The following ITGA10 variants were observed in gnomAD, a reference collection of about 807,000 sequenced individuals.
ITGA10 encodes the protein integrin alpha-10.
A neutral mutation model predicts 145.2 loss-of-function variants in ITGA10; 105 were observed. The ratio of observed to expected loss-of-function variants is 0.72; its 90% CI spans 0.62 to 0.85. The LOEUF is 0.85. ITGA10 is among the 40% of genes least tolerant of loss of function. The pLI, the probability that ITGA10 is intolerant of heterozygous loss-of-function variation, is 0.00. For missense variants in ITGA10, 1,317 were observed against 1,444.5 expected, an observed-to-expected ratio of 0.91 and a Z score of 1.43; for synonymous variants, 506 against 557.8, an observed-to-expected ratio of 0.91 and a Z score of 1.31.
chr1:145,896,702 G>A lies in ITGA10; in HGVS notation c.2834+67C>T, dbSNP rs1655455397. 3.1e-6 allele frequency: 4 copies of A among 1,304,868 alleles called. No individual in the cohort carries two copies. In the African/African-American group the frequency reaches 5.8e-5, roughly 19 times the overall value. The allele number at this position is 1,304,868 out of a possible 1,614,324, so 80.8% of individuals were successfully genotyped here. On this transcript the variant is annotated intron_variant, in intron 23 of 29. Coordinates refer to ENST00000369304, the MANE Select transcript of ITGA10 (RefSeq NM_003637.5). ...GGAAAAACTGAGGCACATGGAAGGGGAGGGAAGCAGCATAAGGGTATGAGT... is the reference window on the plus strand; with the variant it reads ...GGAAAAACTGAGGCACATGGAAGGGAAGGGAAGCAGCATAAGGGTATGAGT...
rs782239941 is a variant in ITGA10 at position 145,902,978 on chromosome 1, G to A, written c.759-17C>T. The A allele has an allele frequency of 1.3e-6, 2 of 1,575,106 alleles. No individual in the cohort carries two copies. Among genetic ancestry groups the A allele is most frequent in the Non-Finnish European group, 1.7e-6 (2 of 1,162,814 alleles). ...CCTTCTGTGCTGAGAAGAGAAAGGA[G>A]TGAGGTGAGATCAGATGTATGCAGA... On this transcript the variant is annotated splice_polypyrimidine_tract_variant and intron_variant, in intron 7 of 29. Coordinates refer to ENST00000369304, the MANE Select transcript of ITGA10 (RefSeq NM_003637.5).
chr1:145,901,628 C>T lies in ITGA10; in HGVS notation c.1331G>A (p.Arg444His), dbSNP rs781994799. The change falls in exon 12 of 30, where the codon CGC becomes CAC. Residue 444 changes from arginine to histidine, a missense_variant. Physicochemically the swap from Arg to His is conservative, Grantham distance 29. Transcript: ENST00000369304. The surrounding 1 kb of genome is among the most constrained non-coding windows in gnomAD (Gnocchi z 4.3). ...AGGAGCCCCAGAGAGAAACAGGCGG[C>T]GTCCACCCCGCAAAAGCATGGAAGA... ...SVSSMLLRGG[R>H]RLFLSGAPRF... The T allele has an allele frequency of 6.3e-6, 10 of 1,588,834 alleles. No individual in the cohort carries two copies. The highest frequency in any genetic ancestry group is 5.7e-5 in the South Asian group (5 of 87,238).
intron 14 of ITGA10, 39 bp downstream of exon 14, chr1:145,900,751 C>T (rs587631018): frequency 1.2e-5 from 19 of 1,600,836 alleles, no homozygotes; most frequent in Admixed American, 5.0e-5. Flanking sequence ...TATTCCTCTT[C>T]CTACAACCGT....
At chr1:145,899,382 A>G in intron 15 of ITGA10, 41 bp from the exon 16 acceptor site, 1 of 1,597,562 alleles carries the variant, frequency 6.3e-7, no homozygotes, top group South Asian at 1.1e-5. Flanking sequence ...AGTAGGAGGT[A>G]AGCCCTCTGA....
Position 145,902,270 on chromosome 1 carries a change from A to G in ITGA10, c.1125T>C (p.Ile375=). 1 of 1,614,164 alleles carries G rather than the reference A, an allele frequency of 6.2e-7. No homozygotes were observed. The highest frequency in any genetic ancestry group is 8.5e-7 in the Non-Finnish European group (1 of 1,180,030). The change falls in exon 10 of 30, where the codon ATT becomes ATC. Residue 375 remains isoleucine, a synonymous_variant. Transcript: ENST00000369304. ...ESSFGLEMSQ[I]GFSTHRLKDG... is the part of the protein sequence containing the mutation. ...CCTTTAGCCGATGAGTGGAGAAACC[A>G]ATCTGAGACATTTCCAGCCCAAAGG... is the stretch of plus-strand genomic sequence containing the variant.
Position 145,904,170 on chromosome 1 carries a change from C to G in ITGA10, c.640G>C (p.Val214Leu). The change falls in exon 7 of 30, where the codon GTA becomes CTA. Residue 214 changes from valine (V) to leucine (L), a missense_variant. Coordinates refer to ENST00000369304, the MANE Select transcript of ITGA10 (RefSeq NM_003637.5). The part of the protein sequence containing the change: ...VGLVQYGESP[V>L]HEWSLGDFRT... Reference sequence around the variant, plus strand: ...AAATCTCCCAGGGACCACTCATGTACAGGGCTCTCCCCATACTGTACCAGT... The same window carrying G: ...AAATCTCCCAGGGACCACTCATGTAGAGGGCTCTCCCCATACTGTACCAGT... 1 of 1,614,192 alleles carries G rather than the reference C, an allele frequency of 6.2e-7. No homozygotes were observed. The highest frequency in any genetic ancestry group is 1.7e-5 in the Admixed American group (1 of 60,030).
At chr1:145,909,294 T>C (rs1657531856) in intron 1 of ITGA10, among the ~76,000 whole-genome samples, 2 of 150,824 alleles carry the variant, frequency 1.3e-5, no homozygotes, top group South Asian at 4.2e-4. Context: ...AGTGAGACCC[T>C]GTTTCAAAAA....
chr1:145,893,650 G>C lies in ITGA10; in HGVS notation c.3229-15C>G. The C allele has an allele frequency of 6.3e-7, 1 of 1,589,934 alleles. No individual in the cohort carries two copies. Among genetic ancestry groups the C allele is most frequent in the African/African-American group, 1.3e-5 (1 of 74,450 alleles). On this transcript the variant is annotated splice_polypyrimidine_tract_variant and intron_variant, in intron 27 of 29. Coordinates refer to ENST00000369304, the MANE Select transcript of ITGA10 (RefSeq NM_003637.5). Reference sequence around the variant, plus strand: ...TTGAACTTGGCCTATGGAACAAGTGGATAGGAAGACATTTAAAATGAGCCA... The same window carrying C: ...TTGAACTTGGCCTATGGAACAAGTGCATAGGAAGACATTTAAAATGAGCCA...
chr1:145,897,866 T>C lies in ITGA10; in HGVS notation c.2381A>G (p.Glu794Gly). 1 of 1,614,138 alleles carries C rather than the reference T, an allele frequency of 6.2e-7. No individual in the cohort carries two copies. Among genetic ancestry groups the C allele is most frequent in the East Asian group, 2.2e-5 (1 of 44,882 alleles). The change falls in exon 19 of 30, where the codon GAA becomes GGA. Residue 794 changes from glutamate (E) to glycine (G), a missense_variant. Transcript: ENST00000369304. ...TTGAAGCACCAGGTCTGTGACACAT[T>C]CATTGTCAGGGCCACAATCCTTTGA... is the stretch of plus-strand genomic sequence containing the variant. The part of the protein sequence containing the change: ...PFSKDCGPDN[E>G]CVTDLVLQVN...
At chr1:145,893,365 T>C in intron 28 of ITGA10, 91 bp from the exon 29 acceptor site, 2 of 1,033,830 alleles carry the variant, frequency 1.9e-6, no homozygotes, top group Non-Finnish European at 3.0e-6. Context: ...CCAAATAGAA[T>C]AAATAACCTC....
chr1:145,901,158 C>G lies in ITGA10; in HGVS notation c.1564G>C (p.Val522Leu). 6.2e-7 allele frequency: 1 copy of G among 1,614,116 alleles called. No homozygotes were observed. Among genetic ancestry groups the G allele is most frequent in the East Asian group, 2.2e-5 (1 of 44,888 alleles). The part of the protein sequence containing the change: ...LGPQNKETGR[V>L]YVYLVGQQSL... ...ACCTGGCCTACCAGATACACATAAA[C>G]ACGTCCTGTTTCCTTGTTCTGGGGT... is the stretch of plus-strand genomic sequence containing the variant. The change falls in exon 13 of 30, where the codon GTT (valine) becomes CTT (leucine). Residue 522 changes from valine to leucine, a missense_variant. Val to Leu is a conservative substitution (Grantham distance 32, BLOSUM62 1). Coordinates refer to ENST00000369304, the MANE Select transcript of ITGA10 (RefSeq NM_003637.5). This position sits in a 1 kb window ranked among gnomAD's most constrained non-coding sequence, Gnocchi z 4.3.
intron 22 of ITGA10, 35 bp downstream of exon 22, chr1:145,896,976 G>A: frequency 1.3e-6 from 2 of 1,582,904 alleles, no homozygotes; most frequent in East Asian, 2.2e-5. Context: ...CTCAGTAGGA[G>A]GAGAGGTCTG....
At chr1:145,897,450 A>G (rs1398970780) in intron 20 of ITGA10, 62 bp downstream of exon 20, 8 of 1,604,692 alleles carry the variant, frequency 5.0e-6, no homozygotes, top group Non-Finnish European at 6.8e-6. Context: ...GCTGAGGCCA[A>G]TACCCCAATC....
chr1:145,898,127 T>G lies in ITGA10; in HGVS notation c.2329A>C (p.Thr777Pro), dbSNP rs782786557. 8.1e-6 allele frequency: 13 copies of G among 1,613,604 alleles called. No individual in the cohort carries two copies. Among genetic ancestry groups the G allele is most frequent in the South Asian group, 5.5e-5 (5 of 91,070 alleles). Residue 777 changes from threonine to proline, a missense_variant, in exon 18 of 30, where the codon ACC becomes CCC. Thr to Pro is a conservative substitution (Grantham distance 38). Coordinates refer to ENST00000369304, the MANE Select transcript of ITGA10 (RefSeq NM_003637.5). ...PGPVLNEGSP[T>P]SIQKLVPFSK... is the part of the protein sequence containing the mutation. Reference sequence around the variant, plus strand: ...CTGCTGACCAGCTTTTGTATAGAGGTGGGTGAGCCCTCATTCAGCACAGGC... The same window carrying G: ...CTGCTGACCAGCTTTTGTATAGAGGGGGGTGAGCCCTCATTCAGCACAGGC...
At chr1:145,896,412 C>T (rs1109216) in intron 23 of ITGA10, 60 bp from the exon 24 acceptor site, 467,682 of 1,265,748 alleles carry the variant, frequency 0.37, 88,321 homozygotes, top group East Asian at 0.56. Flanking sequence ...CACAGGGGCA[C>T]ATGATCAGCA....
Position 145,902,534 on chromosome 1 carries a change from C to T in ITGA10, c.995G>A (p.Arg332Gln), listed in dbSNP as rs1316468300. The T allele has an allele frequency of 3.1e-6, 5 of 1,613,954 alleles. No individual in the cohort carries two copies. Among genetic ancestry groups the T allele is most frequent in the Middle Eastern group, 1.6e-4 (1 of 6,062 alleles). Residue 332 changes from arginine (R) to glutamine (Q), a missense_variant, in exon 9 of 30, where the codon CGA becomes CAA. Coordinates refer to ENST00000369304, the MANE Select transcript of ITGA10 (RefSeq NM_003637.5). ...CTCATCTGTGACATTGAAGAAGAATCGCTCATCTGGATCACTGGCAATAGT... is the reference window on the plus strand; with the variant it reads ...CTCATCTGTGACATTGAAGAAGAATTGCTCATCTGGATCACTGGCAATAGT... ...IRTIASDPDERFFFNVTDEAA... is the reference protein window; with the variant it reads ...IRTIASDPDEQFFFNVTDEAA...
At position 145,901,609 on chromosome 1, in the gene ITGA10, C is replaced by A. The variant is rs200068057; in HGVS notation, c.1350G>T (p.Gly450=). 40 of 1,603,890 alleles carry A rather than the reference C, an allele frequency of 2.5e-5. No individual in the cohort carries two copies. The Middle Eastern group carries it at 5.0e-4, about 20-fold the overall frequency. Reference sequence around the variant, plus strand: ...TTCCTCGATGTCTAAATCGAGGAGCCCCAGAGAGAAACAGGCGGCGTCCAC... The same window carrying A: ...TTCCTCGATGTCTAAATCGAGGAGCACCAGAGAGAAACAGGCGGCGTCCAC... ...LRGGRRLFLS[G]APRFRHRGKV... The change falls in exon 12 of 30, where the codon GGG becomes GGT. Residue 450 remains glycine, a synonymous_variant. Transcript: ENST00000369304. The surrounding 1 kb of genome is among the most constrained non-coding windows in gnomAD (Gnocchi z 4.3).
chr1:145,898,803 T>C, intron 17 of ITGA10, 133 bp downstream of exon 17: 1 of 1,104,922 alleles, frequency 9.1e-7, no homozygotes. Context: ...AGATCAGCCC[T>C]GACTCCAAAG....
intron 17 of ITGA10, among the ~76,000 whole-genome samples, chr1:145,898,469 G>A (rs1246429952): frequency 6.6e-6 from 1 of 151,836 alleles, no homozygotes; most frequent in Non-Finnish European, 1.5e-5. Context: ...CCTGGGTTCA[G>A]GCCATTCTCC....
Sources: allele counts gnomAD v4.1 joint callset (sites outside exome capture counted in the v4.1 genomes callset), GRCh38; gene constraint gnomAD v4.1.1; non-coding constraint Gnocchi (gnomAD v3.1); transcripts MANE v1.5; gene names NCBI Gene and HGNC (gene_info 2026-07-23, HGNC 2026-07-21).